ABCA1: variants seen among roughly 807,000 people sequenced by gnomAD.
ABCA1 encodes the protein ATP binding cassette subfamily A member 1.
Under a neutral mutation model 262.5 loss-of-function variants are expected in ABCA1, and 133 were observed. That is an observed-to-expected ratio of 0.51 (90% CI 0.44 to 0.59). The LOEUF is 0.59. Ranked by LOEUF, ABCA1 falls within the 20% of genes least tolerant of loss-of-function variation. The probability of loss-of-function intolerance (pLI) is 0.00; values close to 1 mark genes in which losing one functional copy is unlikely to be tolerated. For synonymous variants in ABCA1, 1,022 were observed against 1,043.5 expected (o/e 0.98, Z 0.40); for missense variants, 2,452 against 2,777.5 (o/e 0.88, Z 2.63).
chr9:104,826,020 T>C, intron 16 of ABCA1, 133 bp from the exon 17 acceptor site: 1 of 890,062 alleles, frequency 1.1e-6, no homozygotes, highest in Admixed American at 2.0e-5. Flanking sequence ...AAGTAGTATT[T>C]ACCTATAGAG....
chr9:104,808,122 A>AT (rs141185177), intron 30 of ABCA1, among the ~76,000 whole-genome samples: 4,220 of 152,064 alleles, frequency 0.028, 205 homozygotes, highest in African/African-American at 0.097. Context: ...CAGGTCCACC[A>AT]TTTTTTTGCA....
chr9:104,911,845 G>C (rs1340584810), intron 1 of ABCA1, among the ~76,000 whole-genome samples: 1 of 152,092 alleles, frequency 6.6e-6, no homozygotes, highest in African/African-American at 2.4e-5. Context: ...AATCCTCCAA[G>C]GTAAAAGTCA....
chr9:104,814,740 A>G (rs1831586461), intron 25 of ABCA1, among the ~76,000 whole-genome samples: 1 of 152,206 alleles, frequency 6.6e-6, no homozygotes, highest in Admixed American at 6.5e-5. Flanking sequence ...TCAGGCCTAT[A>G]ATCCCAGCAC....
At chr9:104,799,316 T>G in intron 36 of ABCA1, 1 of 468,548 alleles carries the variant, frequency 2.1e-6, no homozygotes, top group Non-Finnish European at 2.8e-6. Context: ...CTATAAAGTT[T>G]AGAGACCAGA....
rs374173503 is a variant in ABCA1 at position 104,828,926 on chromosome 9, A to G, written c.2105T>C (p.Val702Ala). ...GTGAGGCTGCCTTACCTTCAGGATG[A>G]CCACTAGCAGGCCAGCGCTCACAAG... is the stretch of plus-strand genomic sequence containing the variant. ...PLLVSAGLLV[V>A]ILKLGNLLPY... is the part of the protein sequence containing the mutation. Residue 702 changes from valine to alanine, a missense_variant, in exon 15 of 50, where the codon GTC becomes GCC. Around this residue, in one of 4 missense-constraint regions of ABCA1, gnomAD observed 1,032 missense variants for 1,089.7 expected, o/e 0.95. Transcript: ENST00000374736. 1.1e-5 allele frequency: 17 copies of G among 1,614,054 alleles called. No homozygotes were observed. The highest frequency in any genetic ancestry group is 1.4e-5 in the Non-Finnish European group (16 of 1,179,994).
chr9:104,869,424 C>T (rs1199578392), intron 5 of ABCA1, among the ~76,000 whole-genome samples: 1 of 152,122 alleles, frequency 6.6e-6, no homozygotes, highest in Non-Finnish European at 1.5e-5. Flanking sequence ...GCTTGTCCAG[C>T]CTTACAAATA....
Position 104,790,941 on chromosome 9 carries a change from C to T in ABCA1, c.5908G>A (p.Ala1970Thr). The T allele has an allele frequency of 6.2e-7, 1 of 1,612,970 alleles. No homozygotes were observed. Among genetic ancestry groups the T allele is most frequent in the East Asian group, 2.2e-5 (1 of 44,806 alleles). Residue 1970 changes from alanine (A) to threonine (T), a missense_variant, in exon 44 of 50, where the codon GCT becomes ACT. Physicochemically the swap from Ala to Thr is moderately conservative, Grantham distance 58. Coordinates refer to ENST00000374736, the MANE Select transcript of ABCA1 (RefSeq NM_005502.4). The part of the protein sequence containing the change: ...TGDTTVTRGD[A>T]FLNKNSILSN... Reference sequence around the variant, plus strand: ...TCTCACCTATTTTTGTTAAGGAAAGCATCTCCTCTGGTAACAGTGGTATCT... The same window carrying T: ...TCTCACCTATTTTTGTTAAGGAAAGTATCTCCTCTGGTAACAGTGGTATCT...
intron 11 of ABCA1, among the ~76,000 whole-genome samples, chr9:104,836,723 ACCAG>A (rs1342659353): frequency 6.6e-6 from 1 of 152,048 alleles, no homozygotes; most frequent in Non-Finnish European, 1.5e-5. Flanking sequence ...ACTTCCAAAC[ACCAG>A]CCCTCACTAA....
chr9:104,909,421 G>A lies in ABCA1; in HGVS notation c.-92-5650C>T, dbSNP rs907273788. 9.9e-5 allele frequency among the ~76,000 whole-genome samples: 15 copies of A among 152,122 alleles called. No homozygotes were observed. In the South Asian group the frequency reaches 2.3e-3, roughly 23 times the overall value. On this transcript the variant is annotated intron_variant, in intron 1 of 49. Coordinates refer to ENST00000374736, the MANE Select transcript of ABCA1 (RefSeq NM_005502.4). ...GCAGAGTAAGGGGACAGAGAGTAAC[G>A]GGGTGGAAGTTATTCCTTTCTGATG...
chr9:104,828,056 G>T (rs1165973747), intron 15 of ABCA1, among the ~76,000 whole-genome samples: 1 of 152,174 alleles, frequency 6.6e-6, no homozygotes, highest in Non-Finnish European at 1.5e-5. Context: ...TGAAATGCTT[G>T]CAGAGAAAGA....
At chr9:104,883,284 C>A in intron 4 of ABCA1, 127 bp from the exon 5 acceptor site, 1 of 807,788 alleles carries the variant, frequency 1.2e-6, no homozygotes, top group East Asian at 2.5e-5. Flanking sequence ...CTGGCCCTAA[C>A]CCACTCCCAT....
intron 5 of ABCA1, among the ~76,000 whole-genome samples, chr9:104,879,660 T>C (rs1019503813): frequency 1.3e-5 from 2 of 152,264 alleles, no homozygotes; most frequent in Non-Finnish European, 2.9e-5. Flanking sequence ...ATTCTGCCTA[T>C]TTAAAATAAT....
intron 39 of ABCA1, 141 bp downstream of exon 39, chr9:104,795,912 G>A: frequency 8.1e-7 from 1 of 1,229,372 alleles, no homozygotes; most frequent in Non-Finnish European, 1.2e-6. Context: ...GCCTTCTCAG[G>A]GAAGACAGAC....
At chr9:104,891,966 TAAAAAAAAAAAAAAA>T (rs570923490) in intron 2 of ABCA1, among the ~76,000 whole-genome samples, 67 of 59,230 alleles carry the variant, frequency 1.1e-3, no homozygotes, top group African/African-American at 5.0e-3. Context: ...CTCTGTCTCT[TAAAAAAAAAAAAAAA>T]AAAAAAAAAA....
chr9:104,905,801 T>C (rs1025713485), intron 1 of ABCA1, among the ~76,000 whole-genome samples: 1 of 152,186 alleles, frequency 6.6e-6, no homozygotes, highest in African/African-American at 2.4e-5. Context: ...ATTTAGAAGC[T>C]ACATGAATCT....
chr9:104,876,121 C>G (rs1315419445), intron 5 of ABCA1, among the ~76,000 whole-genome samples: 1 of 152,158 alleles, frequency 6.6e-6, no homozygotes. Flanking sequence ...ACCATAGAAT[C>G]CACAGCCCTG....
intron 31 of ABCA1, among the ~76,000 whole-genome samples, chr9:104,805,067 C>T (rs1206921881): frequency 6.6e-6 from 1 of 152,082 alleles, no homozygotes; most frequent in Non-Finnish European, 1.5e-5. Flanking sequence ...ACTAGATTAG[C>T]TGTTATTTTA....
At chr9:104,818,363 GCTCTTAC>G (rs1831964852) in intron 23 of ABCA1, among the ~76,000 whole-genome samples, 1 of 152,092 alleles carries the variant, frequency 6.6e-6, no homozygotes, top group African/African-American at 2.4e-5. Context: ...TGTAGCCAAG[GCTCTTAC>G]CTCTTGACAA....
chr9:104,809,565 C>T lies in ABCA1; in HGVS notation c.4176-1G>A. ...TCCCGTGTCCTCAGGAGCATCATTG[C>T]TGTGGGTACATGAGAGGCAGCCAGC... is the stretch of plus-strand genomic sequence containing the variant. On this transcript the variant is annotated splice_acceptor_variant, in intron 29 of 49. Transcript: ENST00000374736. LOFTEE classifies it high-confidence loss of function. 1 of 1,613,870 alleles carries T rather than the reference C, an allele frequency of 6.2e-7. No homozygotes were observed. The highest frequency in any genetic ancestry group is 8.5e-7 in the Non-Finnish European group (1 of 1,179,772).
Sources: allele counts gnomAD v4.1 joint callset (sites outside exome capture counted in the v4.1 genomes callset), GRCh38; gene constraint gnomAD v4.1.1; regional missense constraint gnomAD v4.1.1; transcripts MANE v1.5; gene names NCBI Gene and HGNC (gene_info 2026-07-23, HGNC 2026-07-21).